The following SLC9A9 variants were observed in gnomAD, a reference collection of about 807,000 sequenced individuals.
SLC9A9 encodes solute carrier family 9 member A9.
A neutral mutation model predicts 77.8 loss-of-function variants in SLC9A9; 62 were observed. That is an observed-to-expected ratio of 0.80 (90% CI 0.65 to 0.98). The LOEUF is 0.98. Among genes scored for constraint, SLC9A9 ranks in the 50% least tolerant of loss-of-function variants. The probability of loss-of-function intolerance (pLI) is 0.00; values close to 1 mark genes in which losing one functional copy is unlikely to be tolerated. For synonymous variants in SLC9A9, 320 were observed against 283.5 expected, an observed-to-expected ratio of 1.13 and a Z score of -1.29; for missense variants, 775 against 774.9, an observed-to-expected ratio of 1.00 and a Z score of 0.00.
At position 143,464,124 on chromosome 3, in the gene SLC9A9, G is replaced by T. The variant is rs555260199; in HGVS notation, c.1469+2913C>A. Among the ~76,000 whole-genome samples, 22 of 152,266 alleles carry T rather than the reference G, an allele frequency of 1.4e-4. No homozygotes were observed. The South Asian group carries it at 2.9e-3, about 20-fold the overall frequency. On this transcript the variant is annotated intron_variant, in intron 12 of 15. Coordinates refer to ENST00000316549, the MANE Select transcript of SLC9A9 (RefSeq NM_173653.4). ...TCACATTCCAATTGAGGGTGTTTGGGTTCATTCAATATCACGTTTGTCTTC... is the reference window on the plus strand; with the variant it reads ...TCACATTCCAATTGAGGGTGTTTGGTTTCATTCAATATCACGTTTGTCTTC...
At position 143,504,159 on chromosome 3, in the gene SLC9A9, A is replaced by G. The variant is rs114167912; in HGVS notation, c.1090-8711T>C. ...ACATGTAGGCCATGCAGTTGAGGACAGTGAGGGGGGTTGTTGATGGCAGCA... is the reference window on the plus strand; with the variant it reads ...ACATGTAGGCCATGCAGTTGAGGACGGTGAGGGGGGTTGTTGATGGCAGCA... On this transcript the variant is annotated intron_variant, in intron 9 of 15. Coordinates refer to ENST00000316549, the MANE Select transcript of SLC9A9 (RefSeq NM_173653.4). 4.0e-3 allele frequency: 1,516 copies of G among 374,978 alleles called. 13 individuals carry two copies. Among genetic ancestry groups the G allele is most frequent in the African/African-American group, 0.029 (1,363 of 46,558 alleles). The allele number at this position is 374,978 out of a possible 1,614,324, so 23.2% of individuals were successfully genotyped here. A position where few individuals can be genotyped will look rare whatever the true frequency, so the allele number is the denominator to read the frequency against.
chr3:143,660,614 G>A (rs761710872), intron 5 of SLC9A9, among the ~76,000 whole-genome samples: 2 of 152,156 alleles, frequency 1.3e-5, no homozygotes, highest in East Asian at 1.9e-4. Flanking sequence ...GTCTTAATCC[G>A]CTAAGTTTGC....
At chr3:143,364,406 T>G (rs2032839213) in intron 13 of SLC9A9, among the ~76,000 whole-genome samples, 2 of 152,172 alleles carry the variant, frequency 1.3e-5, no homozygotes, top group African/African-American at 4.8e-5. Context: ...TGGGCTTTGT[T>G]GCTATGTCTG....
intron 12 of SLC9A9, among the ~76,000 whole-genome samples, chr3:143,445,600 C>T (rs912983117): frequency 3.9e-5 from 6 of 152,112 alleles, no homozygotes; most frequent in Admixed American, 2.0e-4. Flanking sequence ...CCGAGCTGAG[C>T]TGCAGATGAA....
At chr3:143,370,567 G>GCACACACACA (rs57705324) in intron 13 of SLC9A9, among the ~76,000 whole-genome samples, 13,444 of 143,202 alleles carry the variant, frequency 0.094, 719 homozygotes, top group Middle Eastern at 0.14. Flanking sequence ...GCATGTGCGC[G>GCACACACACA]CACACACACA....
intron 6 of SLC9A9, among the ~76,000 whole-genome samples, chr3:143,630,152 A>G (rs538236656): frequency 6.6e-6 from 1 of 152,342 alleles, no homozygotes; most frequent in African/African-American, 2.4e-5. Context: ...CTTTATAATA[A>G]TTATCTTTGC....
At chr3:143,289,600 A>T (rs1159682319) in intron 14 of SLC9A9, among the ~76,000 whole-genome samples, 1 of 152,080 alleles carries the variant, frequency 6.6e-6, no homozygotes, top group East Asian at 1.9e-4. Context: ...TCCCTTCTGC[A>T]CAACAGTCAA....
chr3:143,593,919 G>A (rs770009824), intron 6 of SLC9A9, among the ~76,000 whole-genome samples: 1 of 152,180 alleles, frequency 6.6e-6, no homozygotes, highest in African/African-American at 2.4e-5. Flanking sequence ...ATAAAATGGA[G>A]TCTCAGAGAA....
chr3:143,405,531 A>G (rs1281019365), intron 12 of SLC9A9, among the ~76,000 whole-genome samples: 1 of 152,174 alleles, frequency 6.6e-6, no homozygotes, highest in Non-Finnish European at 1.5e-5. Context: ...CTATGAGTAG[A>G]AGCTGAAAAG....
At chr3:143,764,347 G>C (rs144188923) in intron 4 of SLC9A9, among the ~76,000 whole-genome samples, 2 of 152,134 alleles carry the variant, frequency 1.3e-5, no homozygotes, top group Non-Finnish European at 2.9e-5. Context: ...CAATGATAGC[G>C]TATCACTTTC....
chr3:143,404,178 C>CTTT (rs57688016), intron 12 of SLC9A9, among the ~76,000 whole-genome samples: 2 of 142,616 alleles, frequency 1.4e-5, no homozygotes, highest in African/African-American at 2.6e-5. Context: ...TTTCTTTTTT[C>CTTT]TTTTTTTTTT....
intron 8 of SLC9A9, among the ~76,000 whole-genome samples, chr3:143,572,327 G>C (rs187682055): frequency 6.6e-6 from 1 of 151,920 alleles, no homozygotes; most frequent in African/African-American, 2.4e-5. Context: ...GTGTGTGCGC[G>C]TGTGTTTATT....
intron 14 of SLC9A9, among the ~76,000 whole-genome samples, chr3:143,324,156 G>A (rs2031505772): frequency 6.6e-6 from 1 of 152,068 alleles, no homozygotes; most frequent in Non-Finnish European, 1.5e-5. Flanking sequence ...CTATTGGGAG[G>A]GGGTAGAGGG....
intron 12 of SLC9A9, among the ~76,000 whole-genome samples, chr3:143,464,652 A>G (rs1156509981): frequency 2.0e-5 from 3 of 152,176 alleles, no homozygotes; most frequent in Non-Finnish European, 4.4e-5. Context: ...TAAACCAGCG[A>G]TTCTCAAAAT....
intron 6 of SLC9A9, among the ~76,000 whole-genome samples, chr3:143,616,157 A>G (rs974202680): frequency 6.6e-6 from 1 of 152,058 alleles, no homozygotes; most frequent in African/African-American, 2.4e-5. Flanking sequence ...TGCTGGGATT[A>G]TAGGCATGAG....
chr3:143,430,517 C>T (rs1294885034), intron 12 of SLC9A9, among the ~76,000 whole-genome samples: 2 of 152,152 alleles, frequency 1.3e-5, no homozygotes, highest in Non-Finnish European at 2.9e-5. Flanking sequence ...GACTTGGAGG[C>T]CCTAGCTAGT....
chr3:143,455,799 T>G (rs1576509910), intron 12 of SLC9A9, among the ~76,000 whole-genome samples: 1 of 151,894 alleles, frequency 6.6e-6, no homozygotes, highest in Admixed American at 6.5e-5. Flanking sequence ...TCTAGAAGTT[T>G]TTTTTTTTTT....
chr3:143,584,841 G>A (rs1170541679), intron 6 of SLC9A9, among the ~76,000 whole-genome samples: 2 of 152,132 alleles, frequency 1.3e-5, no homozygotes, highest in African/African-American at 4.8e-5. Context: ...ATCTTCAAAG[G>A]TGGATTCCTG....
intron 4 of SLC9A9, among the ~76,000 whole-genome samples, chr3:143,773,488 CTT>C (rs869188697): frequency 4.2e-5 from 6 of 141,438 alleles, no homozygotes; most frequent in Non-Finnish European, 6.2e-5. Flanking sequence ...TTTACTTTTT[CTT>C]TTTTTTTTTT....
Sources: gnomAD v4.1 joint callset for allele counts (sites outside exome capture counted in the v4.1 genomes callset) on GRCh38, gnomAD v4.1.1 for gene constraint, MANE v1.5 for transcripts, NCBI Gene and HGNC (gene_info 2026-07-23, HGNC 2026-07-21) for gene names.